REL: variants seen among roughly 807,000 people sequenced by gnomAD.
REL encodes the protein proto-oncogene c-Rel.
A neutral mutation model predicts 45.9 loss-of-function variants in REL; 15 were observed. The observed-to-expected ratio is 0.33, with a 90% confidence interval of 0.22 to 0.50. REL has a LOEUF of 0.50. Ranked by LOEUF, REL falls within the 20% of genes least tolerant of loss-of-function variation. REL has a pLI of 0.98. For missense variants in REL, 601 were observed against 715.2 expected, an observed-to-expected ratio of 0.84 and a Z score of 1.82; for synonymous variants, 239 against 242.1, an observed-to-expected ratio of 0.99 and a Z score of 0.12.
Position 60,907,409 on chromosome 2 carries a change from G to A in REL, c.394+6326G>A, listed in dbSNP as rs1215327977. On this transcript the variant is annotated intron_variant, in intron 4 of 9. Coordinates refer to ENST00000394479, the MANE Select transcript of REL (RefSeq NM_001291746.2). Reference sequence around the variant, plus strand: ...TGCCTGTAATCCCAGCCCTTGGGGAGGCCAAGATGGGTGGATCACTTGAGT... The same window carrying A: ...TGCCTGTAATCCCAGCCCTTGGGGAAGCCAAGATGGGTGGATCACTTGAGT... 2.0e-5 allele frequency among the ~76,000 whole-genome samples: 3 copies of A among 151,970 alleles called. No individual in the cohort carries two copies. In the East Asian group the frequency reaches 5.9e-4, roughly 30 times the overall value.
intron 4 of REL, among the ~76,000 whole-genome samples, chr2:60,905,128 TC>T (rs1369934874): frequency 7.2e-5 from 11 of 152,186 alleles, no homozygotes; most frequent in Admixed American, 7.2e-4. Context: ...GGAGTCTCCC[TC>T]TGTCGCCCAG....
chr2:60,884,528 A>G (rs993504775), intron 1 of REL, among the ~76,000 whole-genome samples: 4 of 152,050 alleles, frequency 2.6e-5, no homozygotes, highest in African/African-American at 9.7e-5. Flanking sequence ...AACCCATCTA[A>G]GGTATGCATA....
intron 4 of REL, among the ~76,000 whole-genome samples, chr2:60,903,823 G>A (rs1202599724): frequency 2.0e-5 from 3 of 152,006 alleles, no homozygotes; most frequent in Admixed American, 6.6e-5. Context: ...TAGCCACCAC[G>A]CCTGGCCAGA....
chr2:60,890,948 C>T (rs192542106), intron 1 of REL, among the ~76,000 whole-genome samples: 8 of 152,298 alleles, frequency 5.3e-5, no homozygotes, highest in Middle Eastern at 3.4e-3. Flanking sequence ...TTTTGAGAGT[C>T]GTCCATGTTA....
rs748923881 is a variant in REL, at chr2:60,922,436, C to G, written c.1665C>G (p.Asn555Lys). 2 of 1,613,958 alleles carry G rather than the reference C, an allele frequency of 1.2e-6. No homozygotes were observed. Among genetic ancestry groups the G allele is most frequent in the South Asian group, 2.2e-5 (2 of 91,070 alleles). ...GACCATCAAACAGTACTAATCCAAA[C>G]AGTCATGGTTTTGTTCAAGATAGTC... ...ESGPSNSTNP[N>K]SHGFVQDSQY... Residue 555 changes from asparagine to lysine, a missense_variant, in exon 10 of 10, where the codon AAC becomes AAG. By Grantham distance (94) the Asn-to-Lys change is moderately conservative. Around this residue, in one of 4 missense-constraint regions of REL, gnomAD observed 334 missense variants for 333.1 expected, o/e 1.00. Coordinates refer to ENST00000394479, the MANE Select transcript of REL (RefSeq NM_001291746.2).
In REL at chr2:60,925,330, T is replaced by C; in HGVS notation, c.*2795T>C. On this transcript the variant is annotated 3_prime_UTR_variant, in exon 10 of 10. Transcript: ENST00000394479. ...AAAACAAAAATTCTCAGTTAAATGA[T>C]ACTGGGAAATAGGGAAGACAGCAAA... 1 of 191,838 alleles carries C rather than the reference T, an allele frequency of 5.2e-6. No homozygotes were observed. The highest frequency in any genetic ancestry group is 1.1e-5 in the Non-Finnish European group (1 of 91,646). 11.9% of individuals were successfully genotyped at this position (191,838 alleles called of 1,614,324 possible). A position where few individuals can be genotyped will look rare whatever the true frequency, so the allele number is the denominator to read the frequency against.
intron 4 of REL, among the ~76,000 whole-genome samples, chr2:60,907,326 C>A (rs563267194): frequency 6.6e-6 from 1 of 152,090 alleles, no homozygotes; most frequent in African/African-American, 2.4e-5. Context: ...CCTTGTATCT[C>A]TGGCACATGA....
At chr2:60,903,352 T>C (rs1175233354) in intron 4 of REL, among the ~76,000 whole-genome samples, 1 of 152,164 alleles carries the variant, frequency 6.6e-6, no homozygotes, top group African/African-American at 2.4e-5. Flanking sequence ...AGGAAGATGC[T>C]GTCTGTGGAA....
In REL at chr2:60,927,623, T is replaced by C. The variant is rs943255768; in HGVS notation, c.*5088T>C. ...TGATGCAGTCAATCTTGTATAACAT[T>C]TTTTGAATGTCCAATGTGCAAAGCA... On this transcript the variant is annotated 3_prime_UTR_variant, in exon 10 of 10. Coordinates refer to ENST00000394479, the MANE Select transcript of REL (RefSeq NM_001291746.2). The C allele has an allele frequency of 2.6e-5, 6 of 230,014 alleles. No homozygotes were observed. The highest frequency in any genetic ancestry group is 5.2e-5 in the Non-Finnish European group (6 of 116,030). The allele number at this position is 230,014 out of a possible 1,614,324, so 14.2% of individuals were successfully genotyped here.
At chr2:60,910,036 AAATTT>A in intron 4 of REL, among the ~76,000 whole-genome samples, 1 of 152,378 alleles carries the variant, frequency 6.6e-6, no homozygotes, top group East Asian at 1.9e-4. Context: ...TTGATTTTTA[AAATTT>A]AATTCCTGCT....
At chr2:60,886,291 G>C (rs1172106513) in intron 1 of REL, among the ~76,000 whole-genome samples, 1 of 152,172 alleles carries the variant, frequency 6.6e-6, no homozygotes, top group Non-Finnish European at 1.5e-5. Context: ...TCCCCAGTAT[G>C]AACTCTGTTC....
rs1020921203 is a variant in REL, at chr2:60,922,802, G to T, written c.*267G>T. The T allele has an allele frequency of 1.0e-6, 1 of 969,312 alleles. No individual in the cohort carries two copies. The highest frequency in any genetic ancestry group is 1.7e-5 in the African/African-American group (1 of 57,588). 60.0% of individuals were successfully genotyped at this position (969,312 alleles called of 1,614,324 possible). A position where few individuals can be genotyped will look rare whatever the true frequency, so the allele number is the denominator to read the frequency against. ...CTCACACCTGTAATCCTAGCACTTT[G>T]GGAGGCCAAGGCGGGTGGATCACTT... On this transcript the variant is annotated 3_prime_UTR_variant, in exon 10 of 10. Coordinates refer to ENST00000394479, the MANE Select transcript of REL (RefSeq NM_001291746.2).
intron 4 of REL, 140 bp downstream of exon 4, chr2:60,901,223 T>C (rs545205497): frequency 9.2e-7 from 1 of 1,091,226 alleles, no homozygotes; most frequent in African/African-American, 1.8e-5. Context: ...TGGCGCGATC[T>C]CAGCTCACTG....
chr2:60,920,725 T>A, intron 9 of REL, 83 bp downstream of exon 9: 3 of 824,086 alleles, frequency 3.6e-6, no homozygotes, highest in Non-Finnish European at 5.9e-6. Flanking sequence ...TTTTTAGGAA[T>A]GAATAACTGC....
At chr2:60,896,154 C>G (rs1419633476) in intron 3 of REL, among the ~76,000 whole-genome samples, 1 of 151,990 alleles carries the variant, frequency 6.6e-6, no homozygotes, top group Non-Finnish European at 1.5e-5. Flanking sequence ...CAGGCATGTG[C>G]CACCATGCCC....
In REL at chr2:60,881,778, A is replaced by G; in HGVS notation, c.-63A>G. 2 of 1,501,910 alleles carry G rather than the reference A, an allele frequency of 1.3e-6. No homozygotes were observed. Among genetic ancestry groups the G allele is most frequent in the Non-Finnish European group, 1.8e-6 (2 of 1,117,214 alleles). The allele number at this position is 1,501,910 out of a possible 1,614,324, so 93.0% of individuals were successfully genotyped here. On this transcript the variant is annotated 5_prime_UTR_variant, in exon 1 of 10. Transcript: ENST00000394479. ...GGTCCCTCGGCCTCCTGACTGACTG[A>G]CTGCGGCCGCCTCCGGCCAGGACGC...
In REL at chr2:60,922,264, C is replaced by T. The variant is rs1039331587; in HGVS notation, c.1493C>T (p.Pro498Leu). The change falls in exon 10 of 10, where the codon CCA becomes CTA. Residue 498 changes from proline to leucine, a missense_variant. This residue lies in a region of REL where 334 missense variants were observed against 333.1 expected (regional missense o/e 1.00). Coordinates refer to ENST00000394479, the MANE Select transcript of REL (RefSeq NM_001291746.2). ...CCCTCATGTAATTCAGTGTTAGACC[C>T]AAGAGACTTGAGACAGCTCCATCAG... ...ENPSCNSVLDPRDLRQLHQMS... is the reference protein window; with the variant it reads ...ENPSCNSVLDLRDLRQLHQMS... 6.2e-7 allele frequency: 1 copy of T among 1,614,040 alleles called. No homozygotes were observed. The highest frequency in any genetic ancestry group is 8.5e-7 in the Non-Finnish European group (1 of 1,180,016).
At chr2:60,914,833 T>C (rs1189959108) in intron 4 of REL, among the ~76,000 whole-genome samples, 2 of 138,462 alleles carry the variant, frequency 1.4e-5, no homozygotes, top group African/African-American at 5.5e-5. Flanking sequence ...GCTTGTTTTT[T>C]TGTTTTTTTT....
Position 60,883,715 on chromosome 2 carries a change from T to C in REL, c.10+1865T>C, listed in dbSNP as rs572451689. 5.9e-5 allele frequency among the ~76,000 whole-genome samples: 9 copies of C among 152,314 alleles called. No individual in the cohort carries two copies. The South Asian group carries it at 1.9e-3, about 32-fold the overall frequency. ...AGACCCACAGGATTTTAAAATTTGA[T>C]ACAATTTAAATTTGTTCATTGACAC... On this transcript the variant is annotated intron_variant, in intron 1 of 9. Coordinates refer to ENST00000394479, the MANE Select transcript of REL (RefSeq NM_001291746.2).
Sources: allele counts gnomAD v4.1 joint callset (sites outside exome capture counted in the v4.1 genomes callset), GRCh38; gene constraint gnomAD v4.1.1; regional missense constraint gnomAD v4.1.1; transcripts MANE v1.5; gene names NCBI Gene and HGNC (gene_info 2026-07-23, HGNC 2026-07-21).